Variants in ODR4 observed in about 807,000 individuals in gnomAD.
ODR4 encodes the protein odr-4 GPCR localization factor homolog, also known as protein odr-4 homolog.
Under a neutral mutation model 60.2 loss-of-function variants are expected in ODR4, and 47 were observed. The ratio of observed to expected loss-of-function variants is 0.78; its 90% CI spans 0.62 to 1.00. The LOEUF (loss-of-function observed/expected upper bound fraction) is 1.00. Among genes scored for constraint, ODR4 ranks in the 50% least tolerant of loss-of-function variants. The probability of loss-of-function intolerance (pLI) is 0.00; values close to 1 mark genes in which losing one functional copy is unlikely to be tolerated. For missense variants in ODR4, 488 were observed against 530.8 expected (o/e 0.92, Z 0.79); for synonymous variants, 178 against 175.5 (o/e 1.01, Z -0.11).
At chr1:186,424,862 G>T (rs999775190), downstream of ODR4, among the ~76,000 whole-genome samples, 1 of 151,640 alleles carries the variant, frequency 6.6e-6, no homozygotes, top group Non-Finnish European at 1.5e-5. Context: ...ATTTCAAGAA[G>T]AGGAAAGTAG....
At chr1:186,421,981 G>T (rs1370972000), downstream of ODR4, among the ~76,000 whole-genome samples, 1 of 151,564 alleles carries the variant, frequency 6.6e-6, no homozygotes, top group East Asian at 1.9e-4. Flanking sequence ...GCGGGTGGGG[G>T]GTGAAGTTAG....
At chr1:186,405,574 A>G (rs1661141171) in intron 11 of ODR4, among the ~76,000 whole-genome samples, 2 of 152,098 alleles carry the variant, frequency 1.3e-5, no homozygotes, top group South Asian at 4.1e-4. Context: ...TTATTTTGAG[A>G]TGGAGTCTCG....
the ODR4 span, among the ~76,000 whole-genome samples, chr1:186,432,650 G>T: frequency 1.1e-4 from 16 of 151,674 alleles, no homozygotes; most frequent in African/African-American, 3.6e-4. Flanking sequence ...AAATTTGTTG[G>T]CATTAAGTTG....
At chr1:186,410,882 A>C (rs1250287097) in intron 12 of ODR4, among the ~76,000 whole-genome samples, 1 of 152,010 alleles carries the variant, frequency 6.6e-6, no homozygotes, top group Admixed American at 6.6e-5. Context: ...AGGCGTGGTG[A>C]GGCATGCCTG....
At chr1:186,422,922 A>T (rs2102108596), downstream of ODR4, among the ~76,000 whole-genome samples, 1 of 152,334 alleles carries the variant, frequency 6.6e-6, no homozygotes, top group South Asian at 2.1e-4. Flanking sequence ...ATTGAACAAG[A>T]TGAAACGGGA....
At chr1:186,380,109 G>C (rs1275057670) in intron 2 of ODR4, among the ~76,000 whole-genome samples, 2 of 152,124 alleles carry the variant, frequency 1.3e-5, no homozygotes, top group Non-Finnish European at 2.9e-5. Flanking sequence ...CTTCCCCTTT[G>C]ACCATGTAAA....
chr1:186,379,696 C>A, intron 1 of ODR4, 71 bp from the exon 2 acceptor site: 2 of 784,824 alleles, frequency 2.5e-6, no homozygotes, highest in Non-Finnish European at 2.1e-6. Flanking sequence ...TCTTGCTAAA[C>A]TACTCCCATG....
intron 13 of ODR4, among the ~76,000 whole-genome samples, chr1:186,418,454 C>A (rs12562766): frequency 6.6e-6 from 1 of 152,108 alleles, no homozygotes; most frequent in Non-Finnish European, 1.5e-5. Flanking sequence ...CCGCGCCCGG[C>A]TAATTTTTTG....
chr1:186,390,781 C>T lies in ODR4; in HGVS notation c.545C>T (p.Thr182Ile). 1 of 1,612,392 alleles carries T rather than the reference C, an allele frequency of 6.2e-7. No individual in the cohort carries two copies. The highest frequency in any genetic ancestry group is 8.5e-7 in the Non-Finnish European group (1 of 1,178,628). The change falls in exon 7 of 14, where the codon ACA becomes ATA. Residue 182 changes from threonine to isoleucine, a missense_variant. Coordinates refer to ENST00000287859, the MANE Select transcript of ODR4 (RefSeq NM_017847.6). Reference sequence around the variant, plus strand: ...TCCTCATGGCTTTCTTTAGAGTGTACAGTTCACATTAATATTCACATCCCA... The same window carrying T: ...TCCTCATGGCTTTCTTTAGAGTGTATAGTTCACATTAATATTCACATCCCA... ...LSSSWLSLECTVHINIHIPLS... is the reference protein window; with the variant it reads ...LSSSWLSLECIVHINIHIPLS...
At chr1:186,406,799 T>C (rs1571692996) in intron 12 of ODR4, among the ~76,000 whole-genome samples, 1 of 152,294 alleles carries the variant, frequency 6.6e-6, no homozygotes, top group Middle Eastern at 3.4e-3. Flanking sequence ...CCAGGTTTTG[T>C]AACACATTTT....
Position 186,391,774 on chromosome 1 carries a change from G to A in ODR4, c.694G>A (p.Asp232Asn). Residue 232 changes from aspartate to asparagine, a missense_variant, in exon 8 of 14, where the codon GAC (aspartate) becomes AAC (asparagine). Transcript: ENST00000287859. The part of the protein sequence containing the change: ...INGQVKDEDC[D>N]LLEGQKKSSR... ...TGGACAAGTTAAAGATGAAGATTGT[G>A]ACCTATTAGAAGGACAGGTAAGTTA... 1.9e-6 allele frequency: 3 copies of A among 1,591,332 alleles called. No individual in the cohort carries two copies. Among genetic ancestry groups the A allele is most frequent in the Non-Finnish European group, 2.6e-6 (3 of 1,164,338 alleles).
chr1:186,401,289 A>C (rs1660936136), intron 11 of ODR4: 1 of 1,102,000 alleles, frequency 9.1e-7, no homozygotes, highest in Non-Finnish European at 1.3e-6. Flanking sequence ...CCTAATCCTA[A>C]ATTTTTAAAA....
At chr1:186,427,605 G>C in the ODR4 span, among the ~76,000 whole-genome samples, 1 of 152,206 alleles carries the variant, frequency 6.6e-6, no homozygotes, top group African/African-American at 2.4e-5. Context: ...TCCTGTTAAT[G>C]TTGATATTTT....
the ODR4 span, among the ~76,000 whole-genome samples, chr1:186,428,576 AC>A: frequency 1.3e-5 from 2 of 152,142 alleles, no homozygotes; most frequent in Non-Finnish European, 2.9e-5. Flanking sequence ...TCTTTCAAGA[AC>A]TTTTCCTTTG....
chr1:186,418,330 G>T (rs1220774283), intron 13 of ODR4, among the ~76,000 whole-genome samples: 1 of 130,646 alleles, frequency 7.7e-6, no homozygotes, highest in African/African-American at 2.9e-5. Context: ...TCGCTCTGTC[G>T]CCCAGGCTGG....
At chr1:186,379,260 T>C (rs1363392849) in intron 1 of ODR4, among the ~76,000 whole-genome samples, 1 of 151,772 alleles carries the variant, frequency 6.6e-6, no homozygotes, top group African/African-American at 2.4e-5. Flanking sequence ...CTGGCCAACA[T>C]GGTGAAACCC....
chr1:186,415,082 T>C lies in ODR4; in HGVS notation c.1187-2462T>C, dbSNP rs1330997225. 2.0e-5 allele frequency among the ~76,000 whole-genome samples: 3 copies of C among 151,320 alleles called. No individual in the cohort carries two copies. The South Asian group carries it at 6.3e-4, about 32-fold the overall frequency. ...GTTTTTCTTTGTGACTGGTTTGATA[T>C]GAGAATAGAAAAAAAAAGGGGGGAG... On this transcript the variant is annotated intron_variant, in intron 12 of 13. Coordinates refer to ENST00000287859, the MANE Select transcript of ODR4 (RefSeq NM_017847.6).
chr1:186,396,135 A>G (rs1308385084), intron 9 of ODR4, among the ~76,000 whole-genome samples: 1 of 152,204 alleles, frequency 6.6e-6, no homozygotes, highest in Non-Finnish European at 1.5e-5. Context: ...TGGTTCCCAT[A>G]GAAATGGGGA....
At chr1:186,395,328 T>C (rs1010522598) in intron 9 of ODR4, among the ~76,000 whole-genome samples, 3 of 151,980 alleles carry the variant, frequency 2.0e-5, no homozygotes, top group African/African-American at 7.3e-5. Context: ...CTCCTGACCA[T>C]ATGATCCGCC....
Sources: gnomAD v4.1 joint callset for allele counts (sites outside exome capture counted in the v4.1 genomes callset) on GRCh38, gnomAD v4.1.1 for gene constraint, MANE v1.5 for transcripts, NCBI Gene and HGNC (gene_info 2026-07-23, HGNC 2026-07-21) for gene names.